KCNH8: variants seen among roughly 807,000 people sequenced by gnomAD.
KCNH8 encodes the protein potassium voltage-gated channel subfamily H member 8.
KCNH8 carries 70 observed loss-of-function variants against 103.6 expected under a neutral mutation model. The ratio of observed to expected loss-of-function variants is 0.68; its 90% CI spans 0.56 to 0.82. The LOEUF (loss-of-function observed/expected upper bound fraction) is 0.82. Among genes scored for constraint, KCNH8 ranks in the 40% least tolerant of loss-of-function variants. The pLI, the probability that KCNH8 is intolerant of heterozygous loss-of-function variation, is 0.00. For missense variants in KCNH8, 1,217 were observed against 1,329.9 expected (o/e 0.92, Z 1.32); for synonymous variants, 498 against 489.4 (o/e 1.02, Z -0.23).
At chr3:19,257,915 T>C (rs1559446333) in intron 2 of KCNH8, among the ~76,000 whole-genome samples, 1 of 152,054 alleles carries the variant, frequency 6.6e-6, no homozygotes, top group Admixed American at 6.6e-5. Flanking sequence ...CTCACTTTGC[T>C]GCTGGTGGTT....
At chr3:19,276,668 A>G (rs1387495731) in intron 2 of KCNH8, among the ~76,000 whole-genome samples, 1 of 152,106 alleles carries the variant, frequency 6.6e-6, no homozygotes, top group African/African-American at 2.4e-5. Context: ...AAACATTATT[A>G]TTAGTTAGCT....
At chr3:19,343,101 A>C (rs1013763545) in intron 4 of KCNH8, among the ~76,000 whole-genome samples, 2 of 152,120 alleles carry the variant, frequency 1.3e-5, no homozygotes, top group African/African-American at 4.8e-5. Flanking sequence ...TCTGTTTTGC[A>C]TATTATCTAG....
chr3:19,465,350 C>G (rs1013443591), intron 11 of KCNH8, among the ~76,000 whole-genome samples: 18 of 152,156 alleles, frequency 1.2e-4, no homozygotes, highest in African/African-American at 4.3e-4. Flanking sequence ...TGTAGTACAT[C>G]TGTTTACAGT....
At chr3:19,334,262 T>TG (rs1338409698) in intron 3 of KCNH8, among the ~76,000 whole-genome samples, 17 of 152,250 alleles carry the variant, frequency 1.1e-4, no homozygotes, top group African/African-American at 3.6e-4. Context: ...AGGCTTTTAG[T>TG]CCTGAGCAGG....
chr3:19,281,883 T>G (rs1184126652), intron 3 of KCNH8, among the ~76,000 whole-genome samples: 1 of 152,008 alleles, frequency 6.6e-6, no homozygotes, highest in African/African-American at 2.4e-5. Flanking sequence ...TTTAAAGGAG[T>G]CTGAGAATTT....
intron 13 of KCNH8, among the ~76,000 whole-genome samples, chr3:19,513,654 T>C (rs2068825417): frequency 6.6e-6 from 1 of 152,194 alleles, no homozygotes; most frequent in Non-Finnish European, 1.5e-5. Flanking sequence ...TGGAACAAAC[T>C]CCATCAATGT....
chr3:19,305,924 G>A lies in KCNH8; in HGVS notation c.442+24595G>A, dbSNP rs528035100. ...AAGTCTCATTTGTTATATGGGAAACGAATTGGTAATGCCTTGAAAATCAAA... is the reference window on the plus strand; with the variant it reads ...AAGTCTCATTTGTTATATGGGAAACAAATTGGTAATGCCTTGAAAATCAAA... On this transcript the variant is annotated intron_variant, in intron 3 of 15. Transcript: ENST00000328405. Among the ~76,000 whole-genome samples the A allele has an allele frequency of 1.4e-4, 21 of 151,946 alleles. No individual in the cohort carries two copies. In the South Asian group the frequency reaches 4.2e-3, roughly 30 times the overall value.
chr3:19,253,956 C>G lies in KCNH8; in HGVS notation c.310+69C>G. 3 of 1,034,688 alleles carry G rather than the reference C, an allele frequency of 2.9e-6. No homozygotes were observed. In the South Asian group the frequency reaches 4.0e-5, roughly 14 times the overall value. 64.1% of individuals were successfully genotyped at this position (1,034,688 alleles called of 1,614,324 possible). On this transcript the variant is annotated intron_variant, in intron 2 of 15. Transcript: ENST00000328405. The stretch of plus-strand genomic sequence containing the variant: ...CCGTCTTCTTTCAACCTAGTAATTG[C>G]TCCGCAACTCCCATTAAGGCTTAAT...
At chr3:19,484,515 G>A (rs1221652874) in intron 11 of KCNH8, among the ~76,000 whole-genome samples, 1 of 152,198 alleles carries the variant, frequency 6.6e-6, no homozygotes, top group Non-Finnish European at 1.5e-5. Flanking sequence ...GACTGGAGCA[G>A]GGCTTGTCGT....
At chr3:19,175,782 A>G (rs188306377) in intron 1 of KCNH8, among the ~76,000 whole-genome samples, 8 of 152,274 alleles carry the variant, frequency 5.3e-5, no homozygotes, top group African/African-American at 1.4e-4. Flanking sequence ...TCTGTTGATC[A>G]TGTATTTATT....
chr3:19,281,361 T>C, intron 3 of KCNH8, 32 bp downstream of exon 3: 4 of 1,550,362 alleles, frequency 2.6e-6, no homozygotes, highest in Non-Finnish European at 3.5e-6. Context: ...CATTGACAGA[T>C]GGAGTAACAT....
At chr3:19,476,376 G>A (rs1194931855) in intron 11 of KCNH8, among the ~76,000 whole-genome samples, 3 of 152,140 alleles carry the variant, frequency 2.0e-5, no homozygotes, top group Non-Finnish European at 4.4e-5. Context: ...GAGTTGTGAT[G>A]CGCAAACTTC....
intron 4 of KCNH8, chr3:19,346,594 C>T (rs748803199): frequency 4.4e-6 from 2 of 455,960 alleles, no homozygotes; most frequent in African/African-American, 2.0e-5. Context: ...CAATCACTGA[C>T]AGTCACCACT....
intron 8 of KCNH8, among the ~76,000 whole-genome samples, chr3:19,448,630 A>G (rs75205472): frequency 0.042 from 6,321 of 152,174 alleles, 300 homozygotes; most frequent in East Asian, 0.23. Context: ...AAGTAATAAT[A>G]TGTTGACATA....
At chr3:19,250,534 G>A (rs2064263847) in intron 1 of KCNH8, among the ~76,000 whole-genome samples, 1 of 152,132 alleles carries the variant, frequency 6.6e-6, no homozygotes. Flanking sequence ...TTAAGAACTG[G>A]ACTTTAGGAT....
intron 3 of KCNH8, among the ~76,000 whole-genome samples, chr3:19,299,229 C>T (rs1357360787): frequency 6.6e-6 from 1 of 152,138 alleles, no homozygotes; most frequent in African/African-American, 2.4e-5. Flanking sequence ...CGCAATCTCA[C>T]AGTCGTTTAA....
chr3:19,239,677 TCTATCTACCTACCTAC>T (rs2064112751), intron 1 of KCNH8, among the ~76,000 whole-genome samples: 1 of 145,700 alleles, frequency 6.9e-6, no homozygotes, highest in African/African-American at 2.5e-5. Flanking sequence ...TATCTATCTA[TCTATCTACCTACCTAC>T]CTATCTATCT....
intron 11 of KCNH8, among the ~76,000 whole-genome samples, chr3:19,491,001 A>G (rs1389893715): frequency 6.6e-6 from 1 of 152,276 alleles, no homozygotes; most frequent in South Asian, 2.1e-4. Flanking sequence ...TAAAAAAAAT[A>G]CTCTGGGCAG....
At chr3:19,218,947 T>C (rs1017997880) in intron 1 of KCNH8, among the ~76,000 whole-genome samples, 1 of 152,200 alleles carries the variant, frequency 6.6e-6, no homozygotes, top group Non-Finnish European at 1.5e-5. Flanking sequence ...TTTTAACTAA[T>C]GGCATCTGCA....
Sources: gnomAD v4.1 joint callset for allele counts (sites outside exome capture counted in the v4.1 genomes callset) on GRCh38, gnomAD v4.1.1 for gene constraint, MANE v1.5 for transcripts, NCBI Gene and HGNC (gene_info 2026-07-23, HGNC 2026-07-21) for gene names.